Variants in EPHA7 observed in about 807,000 individuals in gnomAD.
The protein encoded by EPHA7 is EPH receptor A7, also known as ephrin type-A receptor 7.
A neutral mutation model predicts 112.6 loss-of-function variants in EPHA7; 25 were observed. The observed-to-expected ratio is 0.22, with a 90% CI of 0.16 to 0.31. The LOEUF (loss-of-function observed/expected upper bound fraction) is 0.31. Among genes scored for constraint, EPHA7 ranks in the 10% least tolerant of loss-of-function variants. The probability of loss-of-function intolerance (pLI) is 1.00; values close to 1 mark genes in which losing one functional copy is unlikely to be tolerated. For missense variants in EPHA7, 962 were observed against 1,212.6 expected (o/e 0.79, Z 3.07); for synonymous variants, 437 against 406.5 (o/e 1.07, Z -0.90).
chr6:93,378,758 T>C (rs2127968362), intron 3 of EPHA7, among the ~76,000 whole-genome samples: 1 of 152,238 alleles, frequency 6.6e-6, no homozygotes, highest in Admixed American at 6.5e-5. Context: ...GAAATATGAC[T>C]AGGTAGTAAA....
chr6:93,318,703 T>C (rs954049547), intron 5 of EPHA7, among the ~76,000 whole-genome samples: 6 of 152,066 alleles, frequency 3.9e-5, no homozygotes, highest in Admixed American at 2.6e-4. Context: ...AGACTCATTA[T>C]TAGAACTTCA....
intron 9 of EPHA7, among the ~76,000 whole-genome samples, chr6:93,261,092 T>C (rs1770670434): frequency 6.6e-6 from 1 of 151,674 alleles, no homozygotes; most frequent in Non-Finnish European, 1.5e-5. Context: ...CCAGAGCTTT[T>C]TTTGGCATAA....
Position 93,242,098 on chromosome 6 carries a change from T to A in EPHA7, c.*1328A>T, listed in dbSNP as rs769558376. 6.1e-5 allele frequency: 12 copies of A among 198,260 alleles called. No individual in the cohort carries two copies. The highest frequency in any genetic ancestry group is 1.0e-4 in the Non-Finnish European group (10 of 95,446). The allele number at this position is 198,260 out of a possible 1,614,324, so 12.3% of individuals were successfully genotyped here. On this transcript the variant is annotated 3_prime_UTR_variant, in exon 17 of 17. Coordinates refer to ENST00000369303, the MANE Select transcript of EPHA7 (RefSeq NM_004440.4). ...TCCTGCAATATCTATAAAGACACAT[T>A]TAATTATTGCTTATGAAATTCTAAC...
chr6:93,384,146 A>C (rs549051146), intron 3 of EPHA7, among the ~76,000 whole-genome samples: 1 of 152,284 alleles, frequency 6.6e-6, no homozygotes, highest in East Asian at 1.9e-4. Flanking sequence ...AATAGTTAAA[A>C]AATAAACTCA....
At chr6:93,344,890 A>G (rs1582560794) in intron 5 of EPHA7, among the ~76,000 whole-genome samples, 2 of 151,426 alleles carry the variant, frequency 1.3e-5, no homozygotes, top group African/African-American at 4.8e-5. Flanking sequence ...CTTTTTTGTC[A>G]CACTTTTAAA....
chr6:93,324,375 T>G (rs1424239224), intron 5 of EPHA7, among the ~76,000 whole-genome samples: 1 of 151,352 alleles, frequency 6.6e-6, no homozygotes, highest in Non-Finnish European at 1.5e-5. Flanking sequence ...TTGATCCTCA[T>G]AAACATCAGT....
chr6:93,333,096 T>A (rs1364903755), intron 5 of EPHA7, among the ~76,000 whole-genome samples: 1 of 151,840 alleles, frequency 6.6e-6, no homozygotes, highest in East Asian at 1.9e-4. Flanking sequence ...CTCTCTGTAC[T>A]CAGTGTTCAG....
chr6:93,264,722 G>A lies in EPHA7; in HGVS notation c.1634-20C>T. 1 of 1,483,648 alleles carries A rather than the reference G, an allele frequency of 6.7e-7. No individual in the cohort carries two copies. Among genetic ancestry groups the A allele is most frequent in the Non-Finnish European group, 9.2e-7 (1 of 1,083,730 alleles). 91.9% of individuals were successfully genotyped at this position (1,483,648 alleles called of 1,614,324 possible). On this transcript the variant is annotated intron_variant, in intron 7 of 16. Transcript: ENST00000369303. ...CTGTAGCTGTAAACAGAGGAAATAGGCTCAGAAATACTTGACACCATGCAA... is the reference window on the plus strand; with the variant it reads ...CTGTAGCTGTAAACAGAGGAAATAGACTCAGAAATACTTGACACCATGCAA...
rs137916332 is a variant in EPHA7, at chr6:93,310,967, G to C, written c.1325-38545C>G. On this transcript the variant is annotated intron_variant, in intron 5 of 16. Coordinates refer to ENST00000369303, the MANE Select transcript of EPHA7 (RefSeq NM_004440.4). ...ACATGTCTCTCTGGCACGTGATGCT[G>C]TATTTTTTTTTGTTTTGTTTTTTGA... 2.0e-4 allele frequency among the ~76,000 whole-genome samples: 31 copies of C among 151,718 alleles called. No individual in the cohort carries two copies. The East Asian group carries it at 4.5e-3, about 22-fold the overall frequency.
intron 5 of EPHA7, among the ~76,000 whole-genome samples, chr6:93,349,832 C>T (rs168436): frequency 0.14 from 21,402 of 151,666 alleles, 2,004 homozygotes; most frequent in African/African-American, 0.26. Flanking sequence ...TGAAAAGAGA[C>T]GATCTACGTT....
chr6:93,417,437 C>T (rs1453393858), intron 1 of EPHA7, among the ~76,000 whole-genome samples: 1 of 152,224 alleles, frequency 6.6e-6, no homozygotes, highest in Admixed American at 6.5e-5. Context: ...CCATCACCCC[C>T]GCGCCTTTTA....
At chr6:93,383,715 T>C (rs1168887576) in intron 3 of EPHA7, among the ~76,000 whole-genome samples, 1 of 152,182 alleles carries the variant, frequency 6.6e-6, no homozygotes, top group Non-Finnish European at 1.5e-5. Context: ...CTTTTTCTTT[T>C]TTTATAGACA....
Position 93,358,372 on chromosome 6 carries a change from A to C in EPHA7, c.872T>G (p.Leu291Arg). The C allele has an allele frequency of 6.2e-7, 1 of 1,612,782 alleles. No homozygotes were observed. The highest frequency in any genetic ancestry group is 1.3e-5 in the African/African-American group (1 of 74,970). ...GTGAGTTGGACAACGAGAGCACTGA[A>C]GATCTTGAGAGGAAGACTTGTAGAA... ...RGFYKSSSQD[L>R]QCSRCPTHSF... Residue 291 changes from leucine (L) to arginine (R), a missense_variant, in exon 4 of 17, where the codon CTT becomes CGT. Leu to Arg is a moderately radical substitution (Grantham distance 102). Around this residue, in one of 3 missense-constraint regions of EPHA7, gnomAD observed 746 missense variants for 889.2 expected, o/e 0.84. Transcript: ENST00000369303.
At chr6:93,269,700 C>A in intron 6 of EPHA7, 40 bp from the exon 7 acceptor site, 1 of 1,424,186 alleles carries the variant, frequency 7.0e-7, no homozygotes, top group Non-Finnish European at 9.3e-7. Context: ...ATTGTGATTG[C>A]AACCAGACAA....
intron 7 of EPHA7, among the ~76,000 whole-genome samples, chr6:93,268,969 A>T (rs1771079310): frequency 6.6e-6 from 1 of 151,808 alleles, no homozygotes; most frequent in Admixed American, 6.6e-5. Flanking sequence ...TCAAAAACAA[A>T]AATAAAAACA....
chr6:93,246,597 G>A (rs1310055843), intron 15 of EPHA7, among the ~76,000 whole-genome samples, 195 bp downstream of exon 15: 1 of 152,018 alleles, frequency 6.6e-6, no homozygotes, highest in African/African-American at 2.4e-5. Flanking sequence ...ATAACTAATA[G>A]ATTCTTTTCA....
intron 9 of EPHA7, among the ~76,000 whole-genome samples, chr6:93,261,738 A>G (rs751859993): frequency 1.8e-4 from 27 of 151,526 alleles, no homozygotes; most frequent in Non-Finnish European, 3.3e-4. Flanking sequence ...AGTTTTCTCT[A>G]ATGATGAAAA....
chr6:93,355,992 T>TA lies in EPHA7; in HGVS notation c.1324+724dup, dbSNP rs1775924521. Among the ~76,000 whole-genome samples the TA allele has an allele frequency of 3.3e-5, 5 of 152,294 alleles. No homozygotes were observed. The South Asian group carries it at 6.2e-4, about 19-fold the overall frequency. ...ATTACAAAGATCATAGTCTATGTAG[T>TA]AAAAAATTGGGTAACATTATGTGAG... On this transcript the variant is annotated intron_variant, in intron 5 of 16. Transcript: ENST00000369303.
rs556355355 is a variant in EPHA7 at position 93,307,584 on chromosome 6, A to T, written c.1325-35162T>A. On this transcript the variant is annotated intron_variant, in intron 5 of 16. Coordinates refer to ENST00000369303, the MANE Select transcript of EPHA7 (RefSeq NM_004440.4). ...TAAGTTTTACACTGTAAAGCATGCA[A>T]TTCTGAGCCAAGTTTATTTGCACTC... Among the ~76,000 whole-genome samples the T allele has an allele frequency of 1.1e-4, 16 of 152,276 alleles. No homozygotes were observed. In the South Asian group the frequency reaches 3.3e-3, roughly 32 times the overall value.
Sources: allele counts gnomAD v4.1 joint callset (sites outside exome capture counted in the v4.1 genomes callset), GRCh38; gene constraint gnomAD v4.1.1; regional missense constraint gnomAD v4.1.1; transcripts MANE v1.5; gene names NCBI Gene and HGNC (gene_info 2026-07-23, HGNC 2026-07-21).